SH2D6: variants seen among roughly 807,000 people sequenced by gnomAD.
SH2D6 encodes the protein SH2 domain containing 6, also known as SH2 domain-containing protein 6.
A neutral mutation model predicts 30.2 loss-of-function variants in SH2D6; 31 were observed. The ratio of observed to expected loss-of-function variants is 1.03; its 90% CI spans 0.77 to 1.38. The LOEUF (loss-of-function observed/expected upper bound fraction) is 1.38. Among genes scored for constraint, SH2D6 ranks in the 40% most tolerant of loss-of-function variants. The pLI is 0.00. For missense variants in SH2D6, 240 were observed against 266.8 expected, an observed-to-expected ratio of 0.90 and a Z score of 0.70; for synonymous variants, 93 against 104.6, an observed-to-expected ratio of 0.89 and a Z score of 0.68.
At chr2:85,424,237 C>A (rs1343016255) in intron 5 of SH2D6, among the ~76,000 whole-genome samples, 3 of 152,186 alleles carry the variant, frequency 2.0e-5, no homozygotes, top group East Asian at 3.9e-4. Context: ...TACCTCTCTT[C>A]CACTCCCCTC....
chr2:85,423,262 C>T (rs1332070744), intron 5 of SH2D6, among the ~76,000 whole-genome samples: 4 of 147,980 alleles, frequency 2.7e-5, no homozygotes, highest in African/African-American at 7.5e-5. Flanking sequence ...TCACTCTGCT[C>T]ACTCTGTCGC....
intron 2 of SH2D6, among the ~76,000 whole-genome samples, chr2:85,420,011 A>G (rs1349779279): frequency 6.6e-6 from 1 of 152,146 alleles, no homozygotes; most frequent in Non-Finnish European, 1.5e-5. Context: ...TTTTGCCCCT[A>G]GAGAGGAGAG....
chr2:85,432,159 G>A (rs1301862245), intron 14 of SH2D6, among the ~76,000 whole-genome samples, 200 bp downstream of exon 14: 1 of 151,960 alleles, frequency 6.6e-6, no homozygotes, highest in Admixed American at 6.6e-5. Flanking sequence ...TGAATGAGGA[G>A]ACTGAGGCCC....
At chr2:85,434,617 T>TAAAAAAAA in intron 19 of SH2D6, 120 bp downstream of exon 19, 1 of 996,778 alleles carries the variant, frequency 1.0e-6, no homozygotes, top group Non-Finnish European at 1.4e-6. Context: ...TGACTAGACT[T>TAAAAAAAA]AAAAAAAAAA....
chr2:85,424,153 T>G (rs1278488445), intron 5 of SH2D6, among the ~76,000 whole-genome samples: 3 of 152,240 alleles, frequency 2.0e-5, no homozygotes, highest in Admixed American at 2.0e-4. Flanking sequence ...AGTTCTTTCC[T>G]TTCTACCCCA....
chr2:85,429,329 C>T (rs1308153403), intron 7 of SH2D6, 43 bp from the exon 8 acceptor site: 2 of 152,348 alleles, frequency 1.3e-5, no homozygotes, highest in East Asian at 3.9e-4. Context: ...TGAAGTTGGT[C>T]CAGGGTTGGA....
chr2:85,427,387 G>A (rs1161936212), intron 6 of SH2D6, among the ~76,000 whole-genome samples: 3 of 152,250 alleles, frequency 2.0e-5, no homozygotes, highest in African/African-American at 7.2e-5. Flanking sequence ...GTGACAACAT[G>A]AGGCCACTGA....
rs529412287 is a variant in SH2D6 at position 85,435,692 on chromosome 2, C to T, written c.759C>T (p.Ser253=). The T allele has an allele frequency of 1.7e-5, 28 of 1,612,064 alleles. No homozygotes were observed. The highest frequency in any genetic ancestry group is 2.4e-5 in the Non-Finnish European group (28 of 1,179,200). ...QKDGAYTVRP[S]SGPHGSQPFT... ...ATGGGGCCTATACCGTGCGCCCCAGCTCAGGGCCTCATGGCTCCCAGCCCT... is the reference window on the plus strand; with the variant it reads ...ATGGGGCCTATACCGTGCGCCCCAGTTCAGGGCCTCATGGCTCCCAGCCCT... Residue 253 remains serine (S), a synonymous_variant, in exon 22 of 24, where the codon AGC becomes AGT. Coordinates refer to ENST00000469800, the MANE Select transcript of SH2D6 (RefSeq NM_001394463.1).
chr2:85,434,937 G>C lies in SH2D6; in HGVS notation c.590-128G>C, dbSNP rs187912942. ...GAGAGTGGAGGAAGCACTGGGTGCCGGGGTTTGGGCTCGGGGCCATGTACG... is the reference window on the plus strand; with the variant it reads ...GAGAGTGGAGGAAGCACTGGGTGCCCGGGTTTGGGCTCGGGGCCATGTACG... On this transcript the variant is annotated intron_variant, in intron 19 of 23. Coordinates refer to ENST00000469800, the MANE Select transcript of SH2D6 (RefSeq NM_001394463.1). 1.4e-5 allele frequency: 22 copies of C among 1,600,114 alleles called. No homozygotes were observed. In the Admixed American group the frequency reaches 3.2e-4, roughly 23 times the overall value.
intron 6 of SH2D6, among the ~76,000 whole-genome samples, chr2:85,426,980 T>G (rs1480002030): frequency 6.6e-6 from 1 of 152,206 alleles, no homozygotes; most frequent in Non-Finnish European, 1.5e-5. Context: ...CAGAACTGAT[T>G]GCTCACTGGG....
At chr2:85,432,608 G>A (rs1688867649) in intron 14 of SH2D6, among the ~76,000 whole-genome samples, 1 of 152,054 alleles carries the variant, frequency 6.6e-6, no homozygotes, top group Admixed American at 6.5e-5. Context: ...CACCGTGTTA[G>A]CCAGGATGGT....
intron 16 of SH2D6, 56 bp from the exon 17 acceptor site, chr2:85,433,977 G>C: frequency 6.9e-7 from 1 of 1,443,804 alleles, no homozygotes; most frequent in South Asian, 1.2e-5. Context: ...GCCCTGGTCA[G>C]CATGGATTCC....
In SH2D6 at chr2:85,419,158, A is replaced by T. The variant is rs909542976; in HGVS notation, c.-663A>T. Reference sequence around the variant, plus strand: ...AAGGCCTGGGTCCTCCAGGTCAGGGATGTAGGTCCCAGGGTGTGCAGGCCG... The same window carrying T: ...AAGGCCTGGGTCCTCCAGGTCAGGGTTGTAGGTCCCAGGGTGTGCAGGCCG... On this transcript the variant is annotated 5_prime_UTR_variant, in exon 2 of 24. An upstream start codon of the reference 5' UTR is lost. Transcript: ENST00000469800. 3.9e-5 allele frequency: 6 copies of T among 152,518 alleles called. No individual in the cohort carries two copies. The highest frequency in any genetic ancestry group is 1.3e-4 in the Admixed American group (2 of 15,306). The allele number at this position is 152,518 out of a possible 1,614,324, so 9.4% of individuals were successfully genotyped here.
chr2:85,434,819 A>G (rs1301195262), intron 19 of SH2D6: 1 of 1,462,644 alleles, frequency 6.8e-7, no homozygotes, highest in East Asian at 2.5e-5. Context: ...CCTGCACCAA[A>G]TCAGGAAGCT....
At chr2:85,424,803 T>C (rs1687915917) in intron 5 of SH2D6, among the ~76,000 whole-genome samples, 1 of 146,038 alleles carries the variant, frequency 6.8e-6, no homozygotes, top group Non-Finnish European at 1.5e-5. Context: ...CTTGTTGGCT[T>C]ACGCCTGTAA....
Position 85,432,255 on chromosome 2 carries a change from T to A in SH2D6, c.370+296T>A, listed in dbSNP as rs536396978. Reference sequence around the variant, plus strand: ...TTTGGCTCGGCTGCTCTGATTTTTTTTTTTTTTATTGAGTCGGAGTCTCGC... The same window carrying A: ...TTTGGCTCGGCTGCTCTGATTTTTTATTTTTTTATTGAGTCGGAGTCTCGC... On this transcript the variant is annotated intron_variant, in intron 14 of 23. Transcript: ENST00000469800. Among the ~76,000 whole-genome samples, 3 of 151,934 alleles carry A rather than the reference T, an allele frequency of 2.0e-5. No homozygotes were observed. The East Asian group carries it at 5.8e-4, about 29-fold the overall frequency.
At chr2:85,434,636 C>T in intron 19 of SH2D6, 139 bp downstream of exon 19, 1 of 920,686 alleles carries the variant, frequency 1.1e-6, no homozygotes, top group Non-Finnish European at 1.6e-6. Flanking sequence ...AAAAAAAAAA[C>T]TAGGTGAATG....
chr2:85,428,021 C>A (rs973231302), intron 6 of SH2D6, among the ~76,000 whole-genome samples: 6 of 152,148 alleles, frequency 3.9e-5, no homozygotes, highest in Non-Finnish European at 8.8e-5. Flanking sequence ...AGCTCCAGGG[C>A]CTTAGAAGTT....
intron 12 of SH2D6, 39 bp from the exon 13 acceptor site, chr2:85,431,156 GGGAACCCACCTGGGA>G (rs70953942): frequency 1.5e-4 from 23 of 152,002 alleles, no homozygotes; most frequent in Admixed American, 1.5e-3. Flanking sequence ...GGAGGAAAAT[GGGAACCCACCTGGGA>G]GGAACCCACC....
Sources: allele counts gnomAD v4.1 joint callset (sites outside exome capture counted in the v4.1 genomes callset), GRCh38; gene constraint gnomAD v4.1.1; transcripts MANE v1.5; gene names NCBI Gene and HGNC (gene_info 2026-07-23, HGNC 2026-07-21).